METTL16: variants seen among roughly 807,000 people sequenced by gnomAD.
METTL16 encodes methyltransferase 16, RNA N6-adenosine.
In METTL16, 19 loss-of-function variants were observed where a neutral mutation model predicts 57.9. The observed-to-expected ratio is 0.33, with a 90% CI of 0.23 to 0.48. The LOEUF is 0.48. Among genes scored for constraint, METTL16 ranks in the 20% least tolerant of loss-of-function variants. METTL16 has a pLI of 0.99. For synonymous variants in METTL16, 246 were observed against 255.6 expected (o/e 0.96, Z 0.36); for missense variants, 434 against 691.5 (o/e 0.63, Z 4.18).
chr17:2,423,510 C>T (rs538673694), intron 8 of METTL16, among the ~76,000 whole-genome samples: 56 of 152,176 alleles, frequency 3.7e-4, no homozygotes, highest in African/African-American at 1.3e-3. Flanking sequence ...TTACAATAAG[C>T]GTATTAAGCT....
At chr17:2,485,785 C>T (rs2067336850) in intron 2 of METTL16, among the ~76,000 whole-genome samples, 1 of 152,108 alleles carries the variant, frequency 6.6e-6, no homozygotes, top group African/African-American at 2.4e-5. Context: ...AGCGGACGGT[C>T]TGGCGGAGGA....
Position 2,448,790 on chromosome 17 carries a change from A to AAAT in METTL16, c.729-7232_729-7231insATT, listed in dbSNP as rs1567889938. Among the ~76,000 whole-genome samples the AAAT allele has an allele frequency of 3.8e-3, 422 of 112,200 alleles. 12 individuals are homozygous for AAAT. Among genetic ancestry groups the AAAT allele is most frequent in the African/African-American group, 0.018 (401 of 22,864 alleles). 73.6% of individuals were successfully genotyped at this position (112,200 alleles called of 152,430 possible). ...ATAAAAAATAAAAAAATAAAAAAAT[A>AAAT]AAAATAAAATTTAAAAAAAAAAAAA... On this transcript the variant is annotated intron_variant, in intron 6 of 9. Transcript: ENST00000263092.
chr17:2,452,136 CAAAAAAAAAAAA>C (rs1268908998), intron 6 of METTL16, among the ~76,000 whole-genome samples: 1 of 62,174 alleles, frequency 1.6e-5, no homozygotes, highest in Non-Finnish European at 4.3e-5. Context: ...GCCCTTGTCT[CAAAAAAAAAAAA>C]AAAAAAAAGA....
At chr17:2,483,204 T>C (rs940772413) in intron 2 of METTL16, among the ~76,000 whole-genome samples, 23 of 152,138 alleles carry the variant, frequency 1.5e-4, no homozygotes, top group Admixed American at 2.0e-4. Flanking sequence ...AATAAAAGCT[T>C]AACCAAAAGT....
chr17:2,429,008 G>A (rs191425181), intron 8 of METTL16, among the ~76,000 whole-genome samples: 104 of 150,504 alleles, frequency 6.9e-4, no homozygotes, highest in African/African-American at 2.4e-3. Flanking sequence ...ACAGGTATGC[G>A]CCACCAGGCC....
rs1295204364 is a variant in METTL16, at chr17:2,419,475, C to G, written c.*495G>C. 3 of 359,978 alleles carry G rather than the reference C, an allele frequency of 8.3e-6. No individual in the cohort carries two copies. The highest frequency in any genetic ancestry group is 1.6e-5 in the Non-Finnish European group (3 of 181,844). The allele number at this position is 359,978 out of a possible 1,614,324, so 22.3% of individuals were successfully genotyped here. On this transcript the variant is annotated 3_prime_UTR_variant, in exon 10 of 10. Coordinates refer to ENST00000263092, the MANE Select transcript of METTL16 (RefSeq NM_024086.4). ...AGATTCCCCACCACCCACCATACAGCTCCCTTTGTGGGATTGATGCAAGGT... is the reference window on the plus strand; with the variant it reads ...AGATTCCCCACCACCCACCATACAGGTCCCTTTGTGGGATTGATGCAAGGT...
At position 2,428,598 on chromosome 17, in the gene METTL16, TATA is replaced by T. The variant is rs2066843432; in HGVS notation, c.889-7697_889-7695del. On this transcript the variant is annotated intron_variant, in intron 8 of 9. Coordinates refer to ENST00000263092, the MANE Select transcript of METTL16 (RefSeq NM_024086.4). The stretch of plus-strand genomic sequence containing the variant: ...ATATATATATATATATATATATATA[TATA>T]TAAATTGTAATACAGCGGGGCACAG... Among the ~76,000 whole-genome samples, 7 of 21,114 alleles carry T rather than the reference TATA, an allele frequency of 3.3e-4. 1 individual carries two copies. The highest frequency in any genetic ancestry group is 3.9e-3 in the South Asian group (1 of 258). The allele number at this position is 21,114 out of a possible 152,430, so 13.9% of individuals were successfully genotyped here.
At chr17:2,500,525 G>A (rs1022975236) in intron 2 of METTL16, among the ~76,000 whole-genome samples, 15 of 151,972 alleles carry the variant, frequency 9.9e-5, no homozygotes, top group African/African-American at 2.4e-4. Context: ...CAAGTGATCC[G>A]CCCACCTTGG....
In METTL16 at chr17:2,419,489, T is replaced by A. The variant is rs369736149; in HGVS notation, c.*481A>T. 3 of 369,602 alleles carry A rather than the reference T, an allele frequency of 8.1e-6. No homozygotes were observed. Among genetic ancestry groups the A allele is most frequent in the Admixed American group, 3.5e-5 (1 of 28,674 alleles). 22.9% of individuals were successfully genotyped at this position (369,602 alleles called of 1,614,324 possible). On this transcript the variant is annotated 3_prime_UTR_variant, in exon 10 of 10. Transcript: ENST00000263092. ...CCACCATACAGCTCCCTTTGTGGGA[T>A]TGATGCAAGGTAGGCCCCATCTTGA... is the stretch of plus-strand genomic sequence containing the variant.
At chr17:2,485,983 G>C (rs895136604) in intron 2 of METTL16, among the ~76,000 whole-genome samples, 2 of 152,086 alleles carry the variant, frequency 1.3e-5, no homozygotes, top group Non-Finnish European at 2.9e-5. Context: ...CACAAAGGAA[G>C]GAACGAAGGG....
intron 1 of METTL16, among the ~76,000 whole-genome samples, chr17:2,503,595 A>C (rs1597474988): frequency 1.3e-5 from 2 of 152,260 alleles, no homozygotes; most frequent in East Asian, 3.9e-4. Flanking sequence ...GGATCAACAA[A>C]ATACAGTAAT....
intron 4 of METTL16, among the ~76,000 whole-genome samples, chr17:2,472,671 A>T (rs1411297823): frequency 6.6e-6 from 1 of 151,986 alleles, no homozygotes; most frequent in East Asian, 1.9e-4. Flanking sequence ...TTAAAAGAAT[A>T]AAAAAAAGCT....
intron 3 of METTL16, among the ~76,000 whole-genome samples, chr17:2,474,643 A>G (rs1451326034): frequency 6.6e-6 from 1 of 152,214 alleles, no homozygotes; most frequent in African/African-American, 2.4e-5. Context: ...TTGTTTTTAC[A>G]GGCCGGGCGT....
intron 8 of METTL16, among the ~76,000 whole-genome samples, chr17:2,430,395 T>C (rs1043731541): frequency 6.6e-6 from 1 of 150,420 alleles, no homozygotes; most frequent in Non-Finnish European, 1.5e-5. Context: ...TCTATTCAGA[T>C]ATATTTTTAG....
chr17:2,452,919 G>A (rs1342364443), intron 6 of METTL16, among the ~76,000 whole-genome samples: 5 of 151,988 alleles, frequency 3.3e-5, no homozygotes, highest in African/African-American at 9.7e-5. Flanking sequence ...GGAGTGCAGT[G>A]GTGCAATCTC....
chr17:2,506,230 C>G (rs1441331919), intron 1 of METTL16, among the ~76,000 whole-genome samples: 4 of 149,722 alleles, frequency 2.7e-5, no homozygotes. Context: ...CCAGTTAAGA[C>G]AAATCCTCTC....
In METTL16 at chr17:2,502,232, C is replaced by T. The variant is rs2067494209; in HGVS notation, c.100G>A (p.Val34Ile). 1.2e-6 allele frequency: 2 copies of T among 1,613,772 alleles called. No individual in the cohort carries two copies. The highest frequency in any genetic ancestry group is 1.7e-6 in the Non-Finnish European group (2 of 1,179,924). ...ASKYPDFKQH[V>I]QINLNGRVSL... is the part of the protein sequence containing the mutation. ...ACTCTTCCATTCAGATTTATCTGAA[C>T]ATGCTGCTTAAAATCTGGATATTTG... Residue 34 changes from valine (V) to isoleucine (I), a missense_variant, in exon 2 of 10, where the codon GTT becomes ATT. Transcript: ENST00000263092.
At chr17:2,444,463 G>GTAAAA (rs1036492818) in intron 6 of METTL16, among the ~76,000 whole-genome samples, 2 of 151,816 alleles carry the variant, frequency 1.3e-5, no homozygotes, top group Non-Finnish European at 2.9e-5. Context: ...ATAAAATAAA[G>GTAAAA]TAAAATAAAA....
intron 3 of METTL16, chr17:2,477,466 T>A: frequency 1.9e-6 from 1 of 529,444 alleles, no homozygotes; most frequent in Non-Finnish European, 3.4e-6. Flanking sequence ...CCCCCAAATC[T>A]GGAACGCTCC....
Sources: gnomAD v4.1 joint callset for allele counts (sites outside exome capture counted in the v4.1 genomes callset) on GRCh38, gnomAD v4.1.1 for gene constraint, MANE v1.5 for transcripts, NCBI Gene and HGNC (gene_info 2026-07-23, HGNC 2026-07-21) for gene names.